Variants in STARD13 observed in about 807,000 individuals in gnomAD.
STARD13 encodes StAR related lipid transfer domain containing 13, also known as stAR-related lipid transfer protein 13.
A neutral mutation model predicts 106.4 loss-of-function variants in STARD13; 62 were observed. The observed-to-expected ratio is 0.58, with a 90% CI of 0.48 to 0.72. The LOEUF (loss-of-function observed/expected upper bound fraction) is 0.72, where lower values mean the gene tolerates loss of function less well. Ranked by LOEUF, STARD13 falls within the 30% of genes least tolerant of loss-of-function variation. The probability of loss-of-function intolerance (pLI) is 0.00; values close to 1 mark genes in which losing one functional copy is unlikely to be tolerated. For synonymous variants in STARD13, 565 were observed against 553.0 expected, an observed-to-expected ratio of 1.02 and a Z score of -0.31; for missense variants, 1,387 against 1,424.0, an observed-to-expected ratio of 0.97 and a Z score of 0.42.
the STARD13 span, among the ~76,000 whole-genome samples, chr13:33,548,628 TA>T: frequency 2.6e-5 from 4 of 152,220 alleles, no homozygotes; most frequent in African/African-American, 7.2e-5. Context: ...TGATTTTTTT[TA>T]AAAAAATATT....
At chr13:33,535,905 A>C in the STARD13 span, among the ~76,000 whole-genome samples, 1 of 152,176 alleles carries the variant, frequency 6.6e-6, no homozygotes, top group Admixed American at 6.5e-5. Flanking sequence ...GAAAATCTAT[A>C]CTTAAATTAT....
the STARD13 span, among the ~76,000 whole-genome samples, chr13:33,372,528 G>GA: frequency 6.6e-6 from 1 of 151,146 alleles, no homozygotes; most frequent in Non-Finnish European, 1.5e-5. Flanking sequence ...CCTTTCATTG[G>GA]AAAAAAATCA....
the STARD13 span, among the ~76,000 whole-genome samples, chr13:33,542,452 G>C: frequency 2.0e-5 from 3 of 152,182 alleles, no homozygotes; most frequent in Non-Finnish European, 4.4e-5. Flanking sequence ...AACCCATTAC[G>C]CCACCATTTC....
the STARD13 span, among the ~76,000 whole-genome samples, chr13:33,423,942 C>T: frequency 5.9e-5 from 9 of 151,798 alleles, no homozygotes; most frequent in East Asian, 1.9e-4. Flanking sequence ...TGGGGCCTGT[C>T]GGGGAGTGGC....
At chr13:33,549,609 A>G in the STARD13 span, among the ~76,000 whole-genome samples, 1 of 152,218 alleles carries the variant, frequency 6.6e-6, no homozygotes, top group African/African-American at 2.4e-5. Flanking sequence ...CATCTTCATC[A>G]TCACTATTAT....
the STARD13 span, among the ~76,000 whole-genome samples, chr13:33,533,387 T>A: frequency 3.9e-5 from 6 of 152,202 alleles, no homozygotes; most frequent in East Asian, 9.6e-4. Flanking sequence ...TTATAAATGG[T>A]CTGAAAGTTC....
At chr13:33,399,562 G>A in the STARD13 span, among the ~76,000 whole-genome samples, 10 of 151,712 alleles carry the variant, frequency 6.6e-5, no homozygotes, top group South Asian at 4.2e-4. Context: ...TTAGCTGGGC[G>A]TGGTGGCTGG....
intron 1 of STARD13, among the ~76,000 whole-genome samples, chr13:33,335,940 C>T (rs1328576569): frequency 2.0e-5 from 3 of 152,136 alleles, no homozygotes; most frequent in African/African-American, 7.2e-5. Flanking sequence ...GAGTCCAATA[C>T]TGGGTAGCTG....
intron 1 of STARD13, among the ~76,000 whole-genome samples, chr13:33,328,101 G>A (rs2077797510): frequency 6.6e-6 from 1 of 152,174 alleles, no homozygotes; most frequent in South Asian, 2.1e-4. Flanking sequence ...TCTCCACAGG[G>A]TTCTTGAATT....
At chr13:33,254,835 C>A (rs939657589) in intron 1 of STARD13, among the ~76,000 whole-genome samples, 1 of 152,104 alleles carries the variant, frequency 6.6e-6, no homozygotes, top group African/African-American at 2.4e-5. Flanking sequence ...TCTTTGGCTC[C>A]CCATCCATCC....
chr13:33,308,581 T>A (rs1249683859), intron 1 of STARD13, among the ~76,000 whole-genome samples: 1 of 130,644 alleles, frequency 7.7e-6, no homozygotes, highest in East Asian at 2.4e-4. Flanking sequence ...TGGAGAGCAA[T>A]GGCATGATTT....
the STARD13 span, among the ~76,000 whole-genome samples, chr13:33,533,010 A>T: frequency 1.3e-5 from 2 of 152,194 alleles, no homozygotes; most frequent in East Asian, 3.8e-4. Context: ...CATATCAGTC[A>T]CCCATGGCTA....
At chr13:33,309,052 A>G (rs1053799796) in intron 1 of STARD13, among the ~76,000 whole-genome samples, 16 of 152,348 alleles carry the variant, frequency 1.1e-4, no homozygotes, top group East Asian at 5.8e-4. Flanking sequence ...AACAAGCACA[A>G]CTTTCTGTGG....
the STARD13 span, among the ~76,000 whole-genome samples, chr13:33,601,046 C>T: frequency 2.6e-5 from 4 of 152,154 alleles, no homozygotes; most frequent in African/African-American, 9.7e-5. Flanking sequence ...GGGAATTCTA[C>T]TATTCTTGTC....
intron 1 of STARD13, among the ~76,000 whole-genome samples, chr13:33,340,478 G>A (rs1054828323): frequency 2.0e-5 from 3 of 152,164 alleles, no homozygotes; most frequent in African/African-American, 7.2e-5. Context: ...TTATCCAGAT[G>A]CAGAGAGAAT....
intron 1 of STARD13, among the ~76,000 whole-genome samples, chr13:33,241,137 G>A (rs1889468322): frequency 6.6e-6 from 1 of 152,170 alleles, no homozygotes; most frequent in Non-Finnish European, 1.5e-5. Flanking sequence ...AGGATTCCAT[G>A]AGCTTACAGG....
chr13:33,216,498 G>A (rs1194991434), intron 1 of STARD13, among the ~76,000 whole-genome samples: 1 of 152,160 alleles, frequency 6.6e-6, no homozygotes, highest in Non-Finnish European at 1.5e-5. Flanking sequence ...TTACTTATAA[G>A]TGGGAGCTGA....
intron 1 of STARD13, among the ~76,000 whole-genome samples, chr13:33,201,386 T>C (rs1242054573): frequency 1.3e-4 from 20 of 152,218 alleles, no homozygotes; most frequent in Non-Finnish European, 1.5e-5. Flanking sequence ...ATTTCCGGTA[T>C]TCCTGTGGTT....
chr13:33,524,996 A>T, the STARD13 span, among the ~76,000 whole-genome samples: 1 of 152,000 alleles, frequency 6.6e-6, no homozygotes, highest in Non-Finnish European at 1.5e-5. Flanking sequence ...GATCACCAAA[A>T]GTGTTTTATT....
Sources: gnomAD v4.1 joint callset for allele counts (sites outside exome capture counted in the v4.1 genomes callset) on GRCh38, gnomAD v4.1.1 for gene constraint, MANE v1.5 for transcripts, NCBI Gene and HGNC (gene_info 2026-07-23, HGNC 2026-07-21) for gene names.